The following RBFOX1 variants were observed in gnomAD, a reference collection of about 807,000 sequenced individuals.
RBFOX1 encodes RNA binding fox-1 homolog 1, also known as RNA binding protein fox-1 homolog 1.
RBFOX1 carries 8 observed loss-of-function variants against 57.7 expected under a neutral mutation model. That is an observed-to-expected ratio of 0.14 (90% CI 0.08 to 0.25). The LOEUF (loss-of-function observed/expected upper bound fraction) is 0.25, where lower values mean the gene tolerates loss of function less well. Among genes scored for constraint, RBFOX1 ranks in the 10% least tolerant of loss-of-function variants. The pLI is 1.00. For missense variants in RBFOX1, 611 were observed against 548.5 expected, an observed-to-expected ratio of 1.11 and a Z score of -1.14; for synonymous variants, 326 against 222.4, an observed-to-expected ratio of 1.47 and a Z score of -4.15.
intron 1 of RBFOX1, among the ~76,000 whole-genome samples, chr16:6,239,652 C>A (rs919884999): frequency 6.6e-6 from 1 of 151,868 alleles, no homozygotes; most frequent in East Asian, 1.9e-4. Flanking sequence ...CACCCACCAC[C>A]ATGTCCAGCT....
chr16:7,084,967 TGTC>T (rs2059766003), intron 4 of RBFOX1, among the ~76,000 whole-genome samples: 1 of 152,148 alleles, frequency 6.6e-6, no homozygotes, highest in Non-Finnish European at 1.5e-5. Flanking sequence ...TGTATCTGTC[TGTC>T]TGTCTGTCCA....
intron 3 of RBFOX1, among the ~76,000 whole-genome samples, chr16:6,842,159 T>A (rs1010905591): frequency 3.1e-4 from 27 of 88,198 alleles, no homozygotes; most frequent in Admixed American, 7.1e-4. Flanking sequence ...AAATAAAAAA[T>A]AAATAAATAA....
chr16:5,812,802 C>G (rs1014937597), intron 3 of RBFOX1, among the ~76,000 whole-genome samples: 2 of 152,012 alleles, frequency 1.3e-5, no homozygotes, highest in East Asian at 3.9e-4. Flanking sequence ...CAGGTATATA[C>G]GGGTATATGA....
At chr16:6,546,701 GT>G (rs1567632984) in intron 2 of RBFOX1, among the ~76,000 whole-genome samples, 2 of 151,756 alleles carry the variant, frequency 1.3e-5, no homozygotes. Flanking sequence ...TGCAAACAAG[GT>G]CACATTACCA....
chr16:5,958,967 C>T (rs2059699158), intron 4 of RBFOX1, among the ~76,000 whole-genome samples: 1 of 152,152 alleles, frequency 6.6e-6, no homozygotes, highest in Non-Finnish European at 1.5e-5. Context: ...GTTCCTTTTG[C>T]CATATAAAAT....
intron 11 of RBFOX1, among the ~76,000 whole-genome samples, chr16:7,638,585 A>G (rs1422289485): frequency 2.0e-5 from 3 of 152,172 alleles, no homozygotes; most frequent in Non-Finnish European, 4.4e-5. Context: ...CCTCTTTGAG[A>G]TGTCTGGCCA....
chr16:7,215,216 T>TC (rs1462542163), intron 4 of RBFOX1, among the ~76,000 whole-genome samples: 1 of 152,216 alleles, frequency 6.6e-6, no homozygotes, highest in South Asian at 2.1e-4. Flanking sequence ...TTCATCCGTG[T>TC]CTCCAAGTGT....
At chr16:6,850,946 T>G (rs912341512) in intron 3 of RBFOX1, among the ~76,000 whole-genome samples, 1 of 152,196 alleles carries the variant, frequency 6.6e-6, no homozygotes, top group African/African-American at 2.4e-5. Context: ...GCTTTATTTG[T>G]AATAATAGCT....
At chr16:7,248,035 C>G (rs1469607188) in intron 4 of RBFOX1, among the ~76,000 whole-genome samples, 2 of 152,220 alleles carry the variant, frequency 1.3e-5, no homozygotes, top group East Asian at 3.9e-4. Context: ...ACCTCTGAAC[C>G]TAAAATAAAA....
At chr16:7,406,969 T>A (rs115324993) in intron 4 of RBFOX1, among the ~76,000 whole-genome samples, 1 of 152,170 alleles carries the variant, frequency 6.6e-6, no homozygotes, top group East Asian at 1.9e-4. Flanking sequence ...GCCTCTGCGT[T>A]TGTATGTCCT....
Position 7,125,315 on chromosome 16 carries a change from A to G in RBFOX1, c.27+73217A>G, listed in dbSNP as rs74879061. Among the ~76,000 whole-genome samples, 359 of 152,210 alleles carry G rather than the reference A, an allele frequency of 2.4e-3. 2 individuals are homozygous for G. Among genetic ancestry groups the G allele is most frequent in the African/African-American group, 8.2e-3 (341 of 41,532 alleles). ...GTGCAGTGGGCATAGAAATCCACATAGTGGCAAGGGTATAAAATCAGATAC... is the reference window on the plus strand; with the variant it reads ...GTGCAGTGGGCATAGAAATCCACATGGTGGCAAGGGTATAAAATCAGATAC... On this transcript the variant is annotated intron_variant, in intron 4 of 15. Transcript: ENST00000550418.
At chr16:6,678,925 G>T (rs1006484914) in intron 3 of RBFOX1, among the ~76,000 whole-genome samples, 1 of 152,280 alleles carries the variant, frequency 6.6e-6, no homozygotes, top group South Asian at 2.1e-4. Context: ...CATTTGGGGT[G>T]GCACATGGAT....
chr16:7,607,740 G>T (rs994015234), intron 10 of RBFOX1, among the ~76,000 whole-genome samples: 1 of 152,238 alleles, frequency 6.6e-6, no homozygotes, highest in Non-Finnish European at 1.5e-5. Flanking sequence ...AAAGCAGAGA[G>T]TCGAGTTGGC....
rs78789589 is a variant in RBFOX1, at chr16:6,321,962, C to T, written c.-64+4905C>T. Reference sequence around the variant, plus strand: ...ACTCATTTCTTTCTGTCACTTAAGGCTCCCAATGCATAACACTTGAAATCA... The same window carrying T: ...ACTCATTTCTTTCTGTCACTTAAGGTTCCCAATGCATAACACTTGAAATCA... On this transcript the variant is annotated intron_variant, in intron 2 of 15. Coordinates refer to ENST00000550418, the MANE Select transcript of RBFOX1 (RefSeq NM_018723.4). Among the ~76,000 whole-genome samples, 1,033 of 152,294 alleles carry T rather than the reference C, an allele frequency of 6.8e-3. 6 individuals are homozygous for T. The highest frequency in any genetic ancestry group is 0.011 in the Non-Finnish European group (719 of 68,032).
intron 9 of RBFOX1, among the ~76,000 whole-genome samples, chr16:7,606,248 A>T (rs533211064): frequency 6.6e-6 from 1 of 151,520 alleles, no homozygotes; most frequent in African/African-American, 2.4e-5. Context: ...CGGACTCCCA[A>T]GTAGCTGGGA....
At chr16:6,218,941 T>C (rs2097353988) in intron 1 of RBFOX1, among the ~76,000 whole-genome samples, 1 of 152,096 alleles carries the variant, frequency 6.6e-6, no homozygotes, top group African/African-American at 2.4e-5. Flanking sequence ...GGGTATTAAC[T>C]GTGGTTTTCA....
chr16:6,004,190 GATAAA>G lies in RBFOX1; in HGVS notation c.351+136863_351+136867del, dbSNP rs1301733265. On this transcript the variant is annotated intron_variant, in intron 4 of 19. Coordinates refer to the RBFOX1 transcript ENST00000641259. Reference sequence around the variant, plus strand: ...CTTACACATGTATCCTGAAACTTAAGATAAAATAAAATTTTTTTTAAAGAAAATAA... The same window carrying G: ...CTTACACATGTATCCTGAAACTTAAGATAAAATTTTTTTTAAAGAAAATAA... 7.2e-5 allele frequency among the ~76,000 whole-genome samples: 11 copies of G among 152,206 alleles called. No homozygotes were observed. The East Asian group carries it at 1.5e-3, about 21-fold the overall frequency.
intron 2 of RBFOX1, among the ~76,000 whole-genome samples, chr16:6,412,265 A>T (rs909976786): frequency 6.6e-5 from 10 of 152,232 alleles, no homozygotes; most frequent in African/African-American, 2.4e-4. Context: ...GTCCCCAAGA[A>T]CAGAGTGAAC....
intron 2 of RBFOX1, among the ~76,000 whole-genome samples, chr16:6,391,888 A>G (rs1567179180): frequency 6.6e-6 from 1 of 152,226 alleles, no homozygotes; most frequent in African/African-American, 2.4e-5. Context: ...GCTCTAATAA[A>G]TGCATGAACA....
Sources: gnomAD v4.1 joint callset for allele counts (sites outside exome capture counted in the v4.1 genomes callset) on GRCh38, gnomAD v4.1.1 for gene constraint, MANE v1.5 for transcripts, NCBI Gene and HGNC (gene_info 2026-07-23, HGNC 2026-07-21) for gene names.